NGB: variants seen among roughly 807,000 people sequenced by gnomAD.
The protein encoded by NGB is nitrite reductase.
NGB carries 12 observed loss-of-function variants against 17.3 expected under a neutral mutation model. The ratio of observed to expected loss-of-function variants is 0.69; its 90% CI spans 0.45 to 1.13. NGB has a LOEUF of 1.13. NGB is among the 50% of genes most tolerant of loss of function. The pLI is 0.00. For synonymous variants in NGB, 87 were observed against 81.0 expected (o/e 1.07, Z -0.40); for missense variants, 195 against 191.7 (o/e 1.02, Z -0.10).
intron 3 of NGB, among the ~76,000 whole-genome samples, chr14:77,268,234 G>C (rs1156389173): frequency 1.3e-5 from 2 of 152,162 alleles, no homozygotes; most frequent in Non-Finnish European, 2.9e-5. Context: ...GATCCCAAAA[G>C]CTTGTTAATT....
At position 77,271,187 on chromosome 14, in the gene NGB, G is replaced by A; in HGVS notation, c.-250C>T. The A allele has an allele frequency of 2.5e-6, 1 of 405,588 alleles. No individual in the cohort carries two copies. Among genetic ancestry groups the A allele is most frequent in the East Asian group, 4.1e-5 (1 of 24,388 alleles). 25.1% of individuals were successfully genotyped at this position (405,588 alleles called of 1,614,324 possible). A position where few individuals can be genotyped will look rare whatever the true frequency, so the allele number is the denominator to read the frequency against. ...GCTTGGCCGCTGCGCCCTGCGCCCC[G>A]CAGCCGCCAGAGCCGCCCCACCCCG... On this transcript the variant is annotated 5_prime_UTR_variant, in exon 1 of 4. Coordinates refer to ENST00000298352, the MANE Select transcript of NGB (RefSeq NM_021257.4).
At chr14:77,266,790 C>G in intron 3 of NGB, 120 bp from the exon 4 acceptor site, 1 of 1,078,790 alleles carries the variant, frequency 9.3e-7, no homozygotes, top group Non-Finnish European at 1.3e-6. Context: ...TCCTCTCCTG[C>G]ATTGAGTCCA....
At chr14:77,270,335 T>C (rs1402777928) in intron 1 of NGB, among the ~76,000 whole-genome samples, 1 of 151,954 alleles carries the variant, frequency 6.6e-6, no homozygotes, top group Non-Finnish European at 1.5e-5. Context: ...TCTGGCTCTT[T>C]CCTCGGAAAG....
chr14:77,269,673 T>C (rs1889728076), intron 1 of NGB, among the ~76,000 whole-genome samples: 1 of 872 alleles, frequency 1.1e-3, no homozygotes, highest in Non-Finnish European at 3.3e-3. Context: ...GCCCTTTCTC[T>C]CTCTCTCTCT....
intron 3 of NGB, among the ~76,000 whole-genome samples, chr14:77,268,221 G>T (rs1455155398): frequency 6.6e-6 from 1 of 152,192 alleles, no homozygotes; most frequent in African/African-American, 2.4e-5. Context: ...GAGCAGACCA[G>T]CTGATCCCAA....
chr14:77,267,727 T>G (rs1018694632), intron 3 of NGB, among the ~76,000 whole-genome samples: 1 of 152,166 alleles, frequency 6.6e-6, no homozygotes, highest in African/African-American at 2.4e-5. Context: ...AGCTCCTTCC[T>G]CAAGGTGCTC....
At position 77,271,131 on chromosome 14, in the gene NGB, G is replaced by T; in HGVS notation, c.-194C>A. 1 of 495,846 alleles carries T rather than the reference G, an allele frequency of 2.0e-6. No homozygotes were observed. The highest frequency in any genetic ancestry group is 3.5e-6 in the Non-Finnish European group (1 of 283,428). 30.7% of individuals were successfully genotyped at this position (495,846 alleles called of 1,614,324 possible). On this transcript the variant is annotated 5_prime_UTR_variant, in exon 1 of 4. Transcript: ENST00000298352. The stretch of plus-strand genomic sequence containing the variant: ...AAAGGCGCGCGGCCAGTCGTAGGTG[G>T]AGACACCCCAGCTGTGCTTCCGGGG...
rs2140143740 is a variant in NGB, at chr14:77,269,710, CT to C, written c.90-385del. Reference sequence around the variant, plus strand: ...TCTCTCTCTCTCTCTCTCTCTCTCTCTCTCTCTCTCTCTCTCTTCTCTCTCT... The same window carrying C: ...TCTCTCTCTCTCTCTCTCTCTCTCTCCTCTCTCTCTCTCTCTTCTCTCTCT... On this transcript the variant is annotated intron_variant, in intron 1 of 3. Coordinates refer to ENST00000298352, the MANE Select transcript of NGB (RefSeq NM_021257.4). Among the ~76,000 whole-genome samples, 4 of 1,468 alleles carry C rather than the reference CT, an allele frequency of 2.7e-3. 1 individual carries two copies. Among genetic ancestry groups the C allele is most frequent in the East Asian group, 0.015 (1 of 66 alleles). The allele number at this position is 1,468 out of a possible 152,430, so 1.0% of individuals were successfully genotyped here. A position where few individuals can be genotyped will look rare whatever the true frequency, so the allele number is the denominator to read the frequency against.
chr14:77,271,104 G>C lies in NGB; in HGVS notation c.-167C>G. On this transcript the variant is annotated 5_prime_UTR_variant, in exon 1 of 4. Coordinates refer to ENST00000298352, the MANE Select transcript of NGB (RefSeq NM_021257.4). ...GCCGCTCCTTCCCTGGCGCGGGAGA[G>C]AAAAGGCGCGCGGCCAGTCGTAGGT... 1 of 525,036 alleles carries C rather than the reference G, an allele frequency of 1.9e-6. No individual in the cohort carries two copies. The highest frequency in any genetic ancestry group is 2.7e-5 in the South Asian group (1 of 37,166). 32.5% of individuals were successfully genotyped at this position (525,036 alleles called of 1,614,324 possible).
rs765520502 is a variant in NGB, at chr14:77,266,231, A to G, written c.*305T>C. ...TCCCACCTCCATACCTTTCCAGCTC[A>G]TCCCACCTCTGCCACCAAAACACTC... On this transcript the variant is annotated 3_prime_UTR_variant, in exon 4 of 4. Coordinates refer to ENST00000298352, the MANE Select transcript of NGB (RefSeq NM_021257.4). 7 of 604,870 alleles carry G rather than the reference A, an allele frequency of 1.2e-5. No homozygotes were observed. 37.5% of individuals were successfully genotyped at this position (604,870 alleles called of 1,614,324 possible).
At position 77,266,419 on chromosome 14, in the gene NGB, A is replaced by T; in HGVS notation, c.*117T>A. ...CCCAGCCCTGCCCCATCACCTCTCC[A>T]GTGTGGCCAAGGGGACAAGGACCAA... On this transcript the variant is annotated 3_prime_UTR_variant, in exon 4 of 4. Transcript: ENST00000298352. 2 of 1,383,142 alleles carry T rather than the reference A, an allele frequency of 1.4e-6. No individual in the cohort carries two copies. Among genetic ancestry groups the T allele is most frequent in the Middle Eastern group, 2.0e-4 (1 of 4,934 alleles). 85.7% of individuals were successfully genotyped at this position (1,383,142 alleles called of 1,614,324 possible).
chr14:77,270,830 G>T lies in NGB; in HGVS notation c.89+19C>A. 1.9e-6 allele frequency: 3 copies of T among 1,554,584 alleles called. No homozygotes were observed. Among genetic ancestry groups the T allele is most frequent in the East Asian group, 2.4e-5 (1 of 41,746 alleles). On this transcript the variant is annotated intron_variant, in intron 1 of 3. Transcript: ENST00000298352. ...AGGCAGCCTCCACCCGCATCCCCGGGCGCTCGTGTAGCCCTCACCTGGCAA... is the reference window on the plus strand; with the variant it reads ...AGGCAGCCTCCACCCGCATCCCCGGTCGCTCGTGTAGCCCTCACCTGGCAA...
chr14:77,269,677 T>C (rs959403313), intron 1 of NGB, among the ~76,000 whole-genome samples: 8 of 990 alleles, frequency 8.1e-3, no homozygotes, highest in Non-Finnish European at 0.02. Flanking sequence ...TTTCTCTCTC[T>C]CTCTCTCTCT....
In NGB at chr14:77,268,391, G is replaced by A. The variant is rs1889701925; in HGVS notation, c.321+75C>T. On this transcript the variant is annotated intron_variant, in intron 3 of 3. Coordinates refer to ENST00000298352, the MANE Select transcript of NGB (RefSeq NM_021257.4). Reference sequence around the variant, plus strand: ...TATGGGAATGGGAGAGAGAACAGGTGGCAAGGGGAGGTCTGGGAGAGAGAA... The same window carrying A: ...TATGGGAATGGGAGAGAGAACAGGTAGCAAGGGGAGGTCTGGGAGAGAGAA... 9.3e-6 allele frequency: 14 copies of A among 1,503,506 alleles called. 1 individual carries two copies. In the South Asian group the frequency reaches 1.4e-4, roughly 15 times the overall value. 93.1% of individuals were successfully genotyped at this position (1,503,506 alleles called of 1,614,324 possible).
intron 1 of NGB, among the ~76,000 whole-genome samples, chr14:77,270,033 G>C (rs1889747608): frequency 6.6e-6 from 1 of 151,914 alleles, no homozygotes; most frequent in Non-Finnish European, 1.5e-5. Context: ...GGCAGAAGCA[G>C]AGGCCCTCCT....
chr14:77,271,117 G>C lies in NGB; in HGVS notation c.-180C>G. On this transcript the variant is annotated 5_prime_UTR_variant, in exon 1 of 4. Transcript: ENST00000298352. Reference sequence around the variant, plus strand: ...TGGCGCGGGAGAGAAAAGGCGCGCGGCCAGTCGTAGGTGGAGACACCCCAG... The same window carrying C: ...TGGCGCGGGAGAGAAAAGGCGCGCGCCCAGTCGTAGGTGGAGACACCCCAG... The C allele has an allele frequency of 2.0e-6, 1 of 512,764 alleles. No individual in the cohort carries two copies. Among genetic ancestry groups the C allele is most frequent in the South Asian group, 2.7e-5 (1 of 37,008 alleles). The allele number at this position is 512,764 out of a possible 1,614,324, so 31.8% of individuals were successfully genotyped here. A position where few individuals can be genotyped will look rare whatever the true frequency, so the allele number is the denominator to read the frequency against.
intron 1 of NGB, among the ~76,000 whole-genome samples, chr14:77,270,506 A>G (rs1889757530): frequency 6.6e-6 from 1 of 152,206 alleles, no homozygotes; most frequent in African/African-American, 2.4e-5. Context: ...TACCTAAGGA[A>G]GACGCAGGAG....
chr14:77,269,778 T>C (rs1449003247), intron 1 of NGB, among the ~76,000 whole-genome samples: 5 of 37,406 alleles, frequency 1.3e-4, no homozygotes, highest in African/African-American at 2.8e-4. Context: ...TCTCTCTCTC[T>C]CTCTCCCTCT....
At position 77,268,707 on chromosome 14, in the gene NGB, G is replaced by A. The variant is rs538522307; in HGVS notation, c.202-122C>T. On this transcript the variant is annotated intron_variant, in intron 2 of 3. Transcript: ENST00000298352. ...GCCAGTAGGACCCTCAGTTCTCCAA[G>A]ATCAGGGGTCAAAGGCAGCCTGTGT... 14 of 1,372,252 alleles carry A rather than the reference G, an allele frequency of 1.0e-5. No individual in the cohort carries two copies. In the East Asian group the frequency reaches 2.5e-4, roughly 25 times the overall value. The allele number at this position is 1,372,252 out of a possible 1,614,324, so 85.0% of individuals were successfully genotyped here. A position where few individuals can be genotyped will look rare whatever the true frequency, so the allele number is the denominator to read the frequency against.
Sources: gnomAD v4.1 joint callset for allele counts (sites outside exome capture counted in the v4.1 genomes callset) on GRCh38, gnomAD v4.1.1 for gene constraint, MANE v1.5 for transcripts, NCBI Gene and HGNC (gene_info 2026-07-23, HGNC 2026-07-21) for gene names.